PRG4: variants seen among roughly 807,000 people sequenced by gnomAD.
The protein encoded by PRG4 is articular superficial zone protein.
Under a neutral mutation model 91.2 loss-of-function variants are expected in PRG4, and 61 were observed. The ratio of observed to expected loss-of-function variants is 0.67; its 90% CI spans 0.54 to 0.83. PRG4 has a LOEUF of 0.83. PRG4 is among the 40% of genes least tolerant of loss of function. The probability of loss-of-function intolerance (pLI) is 0.00; values close to 1 mark genes in which losing one functional copy is unlikely to be tolerated. For synonymous variants in PRG4, 576 were observed against 614.2 expected (o/e 0.94, Z 0.92); for missense variants, 1,564 against 1,714.2 (o/e 0.91, Z 1.55).
chr1:186,305,207 T>C (rs1387900420), intron 6 of PRG4, among the ~76,000 whole-genome samples: 1 of 152,210 alleles, frequency 6.6e-6, no homozygotes, highest in Admixed American at 6.5e-5. Flanking sequence ...ACTGTCATTC[T>C]TGTTTACTTG....
In PRG4 at chr1:186,308,070, C is replaced by T. The variant is rs1656866657; in HGVS notation, c.2351C>T (p.Thr784Ile). The change falls in exon 7 of 13, where the codon ACT becomes ATT. Residue 784 changes from threonine (T) to isoleucine (I), a missense_variant. Physicochemically the swap from Thr to Ile is moderately conservative, Grantham distance 89 (BLOSUM62 -1). Around this residue, in one of 3 missense-constraint regions of PRG4, gnomAD observed 1,079 missense variants for 1,162.2 expected, o/e 0.93. Transcript: ENST00000445192. ...APTTPKGTAP[T>I]TLKEPAPTTP... ...ACTACCCCTAAGGGGACTGCTCCAACTACCCTCAAGGAACCTGCACCCACT... is the reference window on the plus strand; with the variant it reads ...ACTACCCCTAAGGGGACTGCTCCAATTACCCTCAAGGAACCTGCACCCACT... The T allele has an allele frequency of 6.2e-7, 1 of 1,610,900 alleles. No homozygotes were observed. Among genetic ancestry groups the T allele is most frequent in the African/African-American group, 1.3e-5 (1 of 74,530 alleles).
intron 10 of PRG4, chr1:186,311,921 C>A: frequency 1.9e-6 from 1 of 540,002 alleles, no homozygotes; most frequent in Non-Finnish European, 3.3e-6. Flanking sequence ...TGCTGCCAAA[C>A]TGAGCACTTG....
chr1:186,313,025 T>A, intron 12 of PRG4, 131 bp downstream of exon 12: 1 of 986,380 alleles, frequency 1.0e-6, no homozygotes, highest in Non-Finnish European at 1.6e-6. Context: ...CTAATTGCTG[T>A]GGAAAAGAGT....
Position 186,312,947 on chromosome 1 carries a change from T to C in PRG4, c.4117+53T>C, listed in dbSNP as rs992158698. ...GGAGGTGATATCATTTGTGAAAACA[T>C]GAAGATAAAGTAAAAATGCTGGCTG... On this transcript the variant is annotated intron_variant, in intron 12 of 12. Transcript: ENST00000445192. 2.0e-5 allele frequency: 32 copies of C among 1,561,992 alleles called. No individual in the cohort carries two copies. The African/African-American group carries it at 3.1e-4, about 15-fold the overall frequency.
chr1:186,306,832 CAA>C lies in PRG4; in HGVS notation c.1114_1115del (p.Lys372ValfsTer266), dbSNP rs1656621453. 1 of 1,609,918 alleles carries C rather than the reference CAA, an allele frequency of 6.2e-7. No individual in the cohort carries two copies. The highest frequency in any genetic ancestry group is 1.4e-5 in the African/African-American group (1 of 73,548). ...TPKEPTPTTI[K>X]SAPTTPKEPA... ...CCAAAGAGCCCACACCTACCACCAT[CAA>C]GTCTGCACCCACCACCCCCAAGGAG... is the stretch of plus-strand genomic sequence containing the variant. On this transcript the variant is annotated frameshift_variant, in exon 7 of 13. Transcript: ENST00000445192. LOFTEE classifies it high-confidence loss of function.
chr1:186,309,276 T>C, intron 7 of PRG4, 136 bp downstream of exon 7: 1 of 920,582 alleles, frequency 1.1e-6, no homozygotes, highest in Non-Finnish European at 1.7e-6. Context: ...GTTTTACAGC[T>C]TCCCTGTAGG....
At position 186,309,066 on chromosome 1, in the gene PRG4, C is replaced by T; in HGVS notation, c.3347C>T (p.Pro1116Leu). ...CTTCTCAGGCCCCATGTGTTCATGC[C>T]TGAAGTTACTCCCGACATGGATTAC... The part of the protein sequence containing the change: ...HMLLRPHVFM[P>L]EVTPDMDYLP... Residue 1116 changes from proline (P) to leucine (L), a missense_variant, in exon 7 of 13, where the codon CCT becomes CTT. Physicochemically the swap from Pro to Leu is moderately conservative, Grantham distance 98. Around this residue, in one of 3 missense-constraint regions of PRG4, gnomAD observed 1,079 missense variants for 1,162.2 expected, o/e 0.93. Transcript: ENST00000445192. The T allele has an allele frequency of 6.2e-7, 1 of 1,613,984 alleles. No homozygotes were observed. Among genetic ancestry groups the T allele is most frequent in the Non-Finnish European group, 8.5e-7 (1 of 1,179,960 alleles).
intron 2 of PRG4, 143 bp downstream of exon 2, chr1:186,297,094 C>A: frequency 1.4e-6 from 1 of 721,218 alleles, no homozygotes. Flanking sequence ...TAATATATAA[C>A]ATGTAGCCTG....
Position 186,307,828 on chromosome 1 carries a change from G to T in PRG4, c.2109G>T (p.Glu703Asp). ...AGCCTGCTCCAACTACCCCTAAGGA[G>T]ACTGCTCCAACTACCCCTAAAGGGA... ...PKEPAPTTPK[E>D]TAPTTPKGTA... The change falls in exon 7 of 13, where the codon GAG (glutamate) becomes GAT (aspartate). Residue 703 changes from glutamate (E) to aspartate (D), a missense_variant. Physicochemically the swap from Glu to Asp is conservative, Grantham distance 45. Around this residue, in one of 3 missense-constraint regions of PRG4, gnomAD observed 1,079 missense variants for 1,162.2 expected, o/e 0.93. Coordinates refer to ENST00000445192, the MANE Select transcript of PRG4 (RefSeq NM_005807.6). 1.2e-6 allele frequency: 2 copies of T among 1,606,480 alleles called. No individual in the cohort carries two copies. The highest frequency in any genetic ancestry group is 1.4e-5 in the African/African-American group (1 of 71,608).
In PRG4 at chr1:186,309,827, T is replaced by G. The variant is rs769463370; in HGVS notation, c.3456T>G (p.Asp1152Glu). Residue 1152 changes from aspartate (D) to glutamate (E), a missense_variant, in exon 8 of 13, where the codon GAT (aspartate) becomes GAG (glutamate). Physicochemically the swap from Asp to Glu is conservative, Grantham distance 45 (BLOSUM62 2). Around this residue, in one of 3 missense-constraint regions of PRG4, gnomAD observed 1,079 missense variants for 1,162.2 expected, o/e 0.93. Transcript: ENST00000445192. ...ATATATGCAATGGTAAGCCAGTAGATGGACTGACTACTTTGCGCAATGGGA... is the reference window on the plus strand; with the variant it reads ...ATATATGCAATGGTAAGCCAGTAGAGGGACTGACTACTTTGCGCAATGGGA... ...ETNICNGKPV[D>E]GLTTLRNGTL... 1.2e-6 allele frequency: 2 copies of G among 1,613,882 alleles called. No individual in the cohort carries two copies. The highest frequency in any genetic ancestry group is 1.7e-6 in the Non-Finnish European group (2 of 1,179,826).
At position 186,313,074 on chromosome 1, in the gene PRG4, T is replaced by C. The variant is rs544807583; in HGVS notation, c.4117+180T>C. 1.1e-3 allele frequency: 688 copies of C among 643,020 alleles called. 3 individuals are homozygous for C. Among genetic ancestry groups the C allele is most frequent in the Non-Finnish European group, 1.6e-3 (602 of 371,972 alleles). 39.8% of individuals were successfully genotyped at this position (643,020 alleles called of 1,614,324 possible). A position where few individuals can be genotyped will look rare whatever the true frequency, so the allele number is the denominator to read the frequency against. On this transcript the variant is annotated intron_variant, in intron 12 of 12. Coordinates refer to ENST00000445192, the MANE Select transcript of PRG4 (RefSeq NM_005807.6). Reference sequence around the variant, plus strand: ...TTAATTTCAATTAAAATGATGGCACTGCAATTCAATTCTGCTCTAACCTTC... The same window carrying C: ...TTAATTTCAATTAAAATGATGGCACCGCAATTCAATTCTGCTCTAACCTTC...
Position 186,305,776 on chromosome 1 carries a change from G to A in PRG4, c.599-542G>A, listed in dbSNP as rs114029159. 4.0e-3 allele frequency among the ~76,000 whole-genome samples: 605 copies of A among 152,140 alleles called. 9 individuals carry two copies. The highest frequency in any genetic ancestry group is 0.014 in the African/African-American group (588 of 41,440). On this transcript the variant is annotated intron_variant, in intron 6 of 12. Coordinates refer to ENST00000445192, the MANE Select transcript of PRG4 (RefSeq NM_005807.6). ...CATCACACCCTAAGCTCCTCCTTAT[G>A]TCCCCTGGGACCTGCAAGGTTAGCT...
chr1:186,312,343 C>A lies in PRG4; in HGVS notation c.3962C>A (p.Ser1321Ter), dbSNP rs1377650897. Residue 1321 changes from serine to a stop codon, truncating the protein, a stop_gained, in exon 11 of 13, where the codon TCA (serine) becomes TAA (stop). Transcript: ENST00000445192. LOFTEE classifies it high-confidence loss of function. ...SQTHTIRIQY[S>*]PARLAYQDKG... is the part of the protein sequence containing the mutation. ...ACACACACCATCAGAATTCAATATT[C>A]ACCTGCCAGACTGGCTTATCAAGAC... The A allele has an allele frequency of 6.2e-7, 1 of 1,608,822 alleles. No individual in the cohort carries two copies. Among genetic ancestry groups the A allele is most frequent in the South Asian group, 1.1e-5 (1 of 89,724 alleles).
chr1:186,304,961 C>T (rs1656459933), intron 6 of PRG4, 39 bp downstream of exon 6: 1 of 1,592,070 alleles, frequency 6.3e-7, no homozygotes, highest in Admixed American at 1.7e-5. Context: ...GTATCAATGC[C>T]ATATTAACAA....
chr1:186,305,025 G>A (rs6425025), intron 6 of PRG4, 103 bp downstream of exon 6: 2 of 1,229,496 alleles, frequency 1.6e-6, no homozygotes, highest in Non-Finnish European at 2.3e-6. Flanking sequence ...CTTAATATGG[G>A]GGGGAATATA....
chr1:186,300,022 C>T, intron 2 of PRG4, 69 bp from the exon 3 acceptor site: 1 of 1,574,976 alleles, frequency 6.3e-7, no homozygotes, highest in Non-Finnish European at 8.7e-7. Flanking sequence ...GGCTTTGTCC[C>T]CCTCGTTAGA....
chr1:186,314,208 C>A lies in PRG4; in HGVS notation c.*430C>A. ...AATCCCTCTTTTTGTGACACAAGTA[C>A]AATCTAAAAGTTATATTGGAAAACA... is the stretch of plus-strand genomic sequence containing the variant. On this transcript the variant is annotated 3_prime_UTR_variant, in exon 13 of 13. Transcript: ENST00000445192. 1.8e-6 allele frequency: 1 copy of A among 553,286 alleles called. No individual in the cohort carries two copies. The highest frequency in any genetic ancestry group is 2.7e-5 in the South Asian group (1 of 36,488). 34.3% of individuals were successfully genotyped at this position (553,286 alleles called of 1,614,324 possible). A position where few individuals can be genotyped will look rare whatever the true frequency, so the allele number is the denominator to read the frequency against.
chr1:186,301,340 T>G (rs746025251), intron 3 of PRG4, among the ~76,000 whole-genome samples: 2 of 152,160 alleles, frequency 1.3e-5, no homozygotes, highest in Non-Finnish European at 2.9e-5. Flanking sequence ...TCGGGCAGCA[T>G]CAGGATGTCT....
At position 186,312,247 on chromosome 1, in the gene PRG4, A is replaced by G. The variant is rs1657309090; in HGVS notation, c.3866A>G (p.Asn1289Ser). ...QKCPGRRPAL[N>S]YPVYGETTQV... Reference sequence around the variant, plus strand: ...TGCCCTGGAAGAAGGCCTGCTCTAAATTATCCAGTGTATGGAGAAACGACA... The same window carrying G: ...TGCCCTGGAAGAAGGCCTGCTCTAAGTTATCCAGTGTATGGAGAAACGACA... Residue 1289 changes from asparagine (N) to serine (S), a missense_variant, in exon 11 of 13, where the codon AAT (asparagine) becomes AGT (serine). This residue lies in a region of PRG4 where 1,079 missense variants were observed against 1,162.2 expected (regional missense o/e 0.93). Transcript: ENST00000445192. The G allele has an allele frequency of 6.2e-7, 1 of 1,614,114 alleles. No individual in the cohort carries two copies. The highest frequency in any genetic ancestry group is 8.5e-7 in the Non-Finnish European group (1 of 1,179,960).
Sources: allele counts gnomAD v4.1 joint callset (sites outside exome capture counted in the v4.1 genomes callset), GRCh38; gene constraint gnomAD v4.1.1; regional missense constraint gnomAD v4.1.1; transcripts MANE v1.5; gene names NCBI Gene and HGNC (gene_info 2026-07-23, HGNC 2026-07-21).